Variants in RPS6 observed in about 807,000 individuals in gnomAD.
RPS6 encodes the protein ribosomal protein S6, also known as small ribosomal subunit protein eS6.
Under a neutral mutation model 27.1 loss-of-function variants are expected in RPS6, and 1 was observed. The ratio of observed to expected loss-of-function variants is 0.04; its 90% confidence interval spans 0.01 to 0.18. The LOEUF (loss-of-function observed/expected upper bound fraction) is 0.18, where lower values mean the gene tolerates loss of function less well. Ranked by LOEUF, RPS6 falls within the 10% of genes least tolerant of loss-of-function variation. The pLI is 1.00. For missense variants in RPS6, 259 were observed against 319.1 expected (o/e 0.81, Z 1.44); for synonymous variants, 152 against 106.0 (o/e 1.43, Z -2.66).
chr9:19,378,283 G>T, intron 4 of RPS6, 85 bp downstream of exon 4: 2 of 1,362,628 alleles, frequency 1.5e-6, no homozygotes, highest in Non-Finnish European at 1.0e-6. Context: ...CCTTCCAAAG[G>T]CACATATTTA....
chr9:19,376,896 C>A (rs1382761696), intron 4 of RPS6: 2 of 382,654 alleles, frequency 5.2e-6, no homozygotes, highest in Non-Finnish European at 9.3e-6. Flanking sequence ...CTAACTTTTA[C>A]TACCTTCCAG....
At chr9:19,379,033 A>G (rs1024045727) in intron 2 of RPS6, 115 bp from the exon 3 acceptor site, 8 of 1,061,730 alleles carry the variant, frequency 7.5e-6, no homozygotes, top group Non-Finnish European at 1.1e-5. Context: ...ATGAAAACCA[A>G]TTTGAACTTA....
rs1589014358 is a variant in RPS6 at position 19,379,942 on chromosome 9, C to G, written c.6+248G>C. ...GCCTGCCGCAAACTGGGCAACACGC[C>G]GCATCCGTCCCGGCTGGGCGCGGGG... is the stretch of plus-strand genomic sequence containing the variant. On this transcript the variant is annotated intron_variant, in intron 1 of 5. Coordinates refer to ENST00000380394, the MANE Select transcript of RPS6 (RefSeq NM_001010.3). 2.1e-6 allele frequency: 3 copies of G among 1,434,682 alleles called. No homozygotes were observed. The East Asian group carries it at 7.5e-5, about 36-fold the overall frequency. 88.9% of individuals were successfully genotyped at this position (1,434,682 alleles called of 1,614,324 possible).
intron 4 of RPS6, 70 bp downstream of exon 4, chr9:19,378,296 TTC>T (rs1774941995): frequency 2.0e-6 from 3 of 1,471,262 alleles, no homozygotes; most frequent in Non-Finnish European, 2.8e-6. Context: ...CATATTTATC[TTC>T]TGATATGCAC....
chr9:19,377,237 TAA>T (rs754902287), intron 4 of RPS6, among the ~76,000 whole-genome samples: 1 of 152,196 alleles, frequency 6.6e-6, no homozygotes, highest in Non-Finnish European at 1.5e-5. Context: ...TGCCTTAGGC[TAA>T]ATGCTCAGAT....
intron 2 of RPS6, 44 bp from the exon 3 acceptor site, chr9:19,378,962 CA>C (rs1485694223): frequency 6.4e-7 from 1 of 1,562,570 alleles, no homozygotes; most frequent in Non-Finnish European, 8.8e-7. Flanking sequence ...ATTTCTATTC[CA>C]AAATTATACA....
chr9:19,377,473 C>G (rs1829607784), intron 4 of RPS6, among the ~76,000 whole-genome samples: 3 of 151,232 alleles, frequency 2.0e-5, no homozygotes, highest in African/African-American at 7.3e-5. Flanking sequence ...TGAACAGTAC[C>G]TGTGCTCAAG....
Position 19,376,314 on chromosome 9 carries a change from C to T in RPS6, c.729G>A (p.Lys243=), listed in dbSNP as rs758126822. Residue 243 remains lysine (K), a synonymous_variant, in exon 6 of 6, where the codon AAG becomes AAA. Coordinates refer to ENST00000380394, the MANE Select transcript of RPS6 (RefSeq NM_001010.3). The part of the protein sequence containing the change: ...RLSSLRASTS[K]SESSQK ...AATCTTATTTCTGACTGGATTCAGA[C>T]TTAGAAGTAGAAGCTCGCAGAGAGG... is the stretch of plus-strand genomic sequence containing the variant. 1 of 1,613,824 alleles carries T rather than the reference C, an allele frequency of 6.2e-7. No homozygotes were observed. Among genetic ancestry groups the T allele is most frequent in the Admixed American group, 1.7e-5 (1 of 59,976 alleles).
intron 4 of RPS6, among the ~76,000 whole-genome samples, chr9:19,377,407 T>A (rs1051435884): frequency 2.6e-5 from 4 of 152,066 alleles, no homozygotes; most frequent in South Asian, 4.2e-4. Context: ...TTTTTTTTTT[T>A]TGCAACATCA....
chr9:19,377,947 A>C (rs1829616913), intron 4 of RPS6, among the ~76,000 whole-genome samples: 1 of 152,234 alleles, frequency 6.6e-6, no homozygotes, highest in African/African-American at 2.4e-5. Flanking sequence ...ACTTGAGCTC[A>C]AGGGTTCAAG....
chr9:19,376,317 A>G lies in RPS6; in HGVS notation c.726T>C (p.Ser242=). 5.0e-6 allele frequency: 8 copies of G among 1,613,904 alleles called. No individual in the cohort carries two copies. The highest frequency in any genetic ancestry group is 6.8e-6 in the Non-Finnish European group (8 of 1,179,938). The change falls in exon 6 of 6, where the codon TCT becomes TCC. Residue 242 remains serine (S), a synonymous_variant. Coordinates refer to ENST00000380394, the MANE Select transcript of RPS6 (RefSeq NM_001010.3). ...CTTATTTCTGACTGGATTCAGACTT[A>G]GAAGTAGAAGCTCGCAGAGAGGAAA... ...RRLSSLRAST[S]KSESSQK
At position 19,378,693 on chromosome 9, in the gene RPS6, A is replaced by G. The variant is rs778438905; in HGVS notation, c.349+15T>C. The G allele has an allele frequency of 6.2e-7, 1 of 1,612,882 alleles. No individual in the cohort carries two copies. Among genetic ancestry groups the G allele is most frequent in the South Asian group, 1.1e-5 (1 of 91,042 alleles). On this transcript the variant is annotated intron_variant, in intron 3 of 5. Transcript: ENST00000380394. Reference sequence around the variant, plus strand: ...AAATCAATTTCAACGAAAATTGAACACAAGTAACCCTCACCTTTTTTTACA... The same window carrying G: ...AAATCAATTTCAACGAAAATTGAACGCAAGTAACCCTCACCTTTTTTTACA...
At chr9:19,379,674 G>A (rs1206408400) in intron 1 of RPS6, 56 bp from the exon 2 acceptor site, 9 of 1,551,428 alleles carry the variant, frequency 5.8e-6, no homozygotes, top group Non-Finnish European at 7.8e-6. Flanking sequence ...GGTAATTGTA[G>A]AGCCATCTAC....
chr9:19,379,926 A>C, intron 1 of RPS6: 1 of 1,431,308 alleles, frequency 7.0e-7, no homozygotes, highest in Non-Finnish European at 9.1e-7. Flanking sequence ...GGCCTGCCGC[A>C]AACTGGGCAA....
In RPS6 at chr9:19,378,510, C is replaced by A; in HGVS notation, c.354G>T (p.Glu118Asp). The A allele has an allele frequency of 1.9e-6, 3 of 1,612,464 alleles. No individual in the cohort carries two copies. In the South Asian group the frequency reaches 3.3e-5, roughly 18 times the overall value. ...TATCAGTCAGTCCAGGAATATCCTTCTCTCCTTAGAAGAAACAGTTGAAGA... is the reference window on the plus strand; with the variant it reads ...TATCAGTCAGTCCAGGAATATCCTTATCTCCTTAGAAGAAACAGTTGAAGA... ...VLNLVIVKKG[E>D]KDIPGLTDTT... Residue 118 changes from glutamate to aspartate, a missense_variant, in exon 4 of 6, where the codon GAG (glutamate) becomes GAT (aspartate). Physicochemically the swap from Glu to Asp is conservative, Grantham distance 45 (BLOSUM62 2). This residue lies in a region of RPS6 where 191 missense variants were observed against 231.6 expected (regional missense o/e 0.82). Transcript: ENST00000380394.
chr9:19,378,041 G>A (rs1434488600), intron 4 of RPS6, among the ~76,000 whole-genome samples: 2 of 152,168 alleles, frequency 1.3e-5, no homozygotes, highest in Non-Finnish European at 2.9e-5. Context: ...AAAGTGTGTG[G>A]TGCTAATAGT....
At chr9:19,378,192 TAAGC>T (rs948593971) in intron 4 of RPS6, among the ~76,000 whole-genome samples, 172 bp downstream of exon 4, 3 of 152,192 alleles carry the variant, frequency 2.0e-5, no homozygotes, top group East Asian at 1.9e-4. Flanking sequence ...CTGGATATAA[TAAGC>T]AAGGATTAAC....
At chr9:19,377,959 C>T (rs187893420) in intron 4 of RPS6, among the ~76,000 whole-genome samples, 30 of 152,270 alleles carry the variant, frequency 2.0e-4, no homozygotes, top group African/African-American at 6.7e-4. Context: ...GGGTTCAAGA[C>T]CAGCCTGGGC....
rs190769866 is a variant in RPS6 at position 19,376,494 on chromosome 9, C to T, written c.654G>A (p.Lys218=). The T allele has an allele frequency of 2.0e-5, 32 of 1,613,102 alleles. No individual in the cohort carries two copies. In the Admixed American group the frequency reaches 5.2e-4, roughly 26 times the overall value. The change falls in exon 5 of 6, where the codon AAG becomes AAA. Residue 218 remains lysine, a splice_region_variant and synonymous_variant. Coordinates refer to ENST00000380394, the MANE Select transcript of RPS6 (RefSeq NM_001010.3). ...EYAKLLAKRM[K]EAKEKRQEQI... ...CCCCCTCAAATCATCTTAGACTAACCTTCATTCTCTTGGCCAAAAGTTTAG... is the reference window on the plus strand; with the variant it reads ...CCCCCTCAAATCATCTTAGACTAACTTTCATTCTCTTGGCCAAAAGTTTAG...
Sources: gnomAD v4.1 joint callset for allele counts (sites outside exome capture counted in the v4.1 genomes callset) on GRCh38, gnomAD v4.1.1 for gene constraint, gnomAD v4.1.1 regional missense constraint, MANE v1.5 for transcripts, NCBI Gene and HGNC (gene_info 2026-07-23, HGNC 2026-07-21) for gene names.